Variants in PCDHGA4 observed in about 807,000 individuals in gnomAD.
PCDHGA4 encodes the protein protocadherin gamma-A4.
Under a neutral mutation model 54.6 loss-of-function variants are expected in PCDHGA4, and 38 were observed. That is an observed-to-expected ratio of 0.70 (90% CI 0.54 to 0.91). The LOEUF (loss-of-function observed/expected upper bound fraction) is 0.91, where lower values mean the gene tolerates loss of function less well. Among genes scored for constraint, PCDHGA4 ranks in the 40% least tolerant of loss-of-function variants. The probability of loss-of-function intolerance (pLI) is 0.00; values close to 1 mark genes in which losing one functional copy is unlikely to be tolerated. For missense variants in PCDHGA4, 1,298 were observed against 1,220.9 expected (o/e 1.06, Z -0.94); for synonymous variants, 511 against 512.9 (o/e 1.00, Z 0.05).
intron 1 of PCDHGA4, chr5:141,478,642 T>C (rs777741719): frequency 6.4e-7 from 1 of 1,552,350 alleles, no homozygotes; most frequent in Non-Finnish European, 8.7e-7. Context: ...GTGATGAAGA[T>C]GTTTTCCTGG....
chr5:141,365,679 C>T lies in PCDHGA4; in HGVS notation c.2514+8058C>T, dbSNP rs1056119767. The T allele has an allele frequency of 1.2e-5, 19 of 1,613,416 alleles. No individual in the cohort carries two copies. The highest frequency in any genetic ancestry group is 1.4e-5 in the Non-Finnish European group (17 of 1,179,808). On this transcript the variant is annotated intron_variant, in intron 1 of 3. Transcript: ENST00000571252. ...GTAGCAGACGTTAATGACAACCCAC[C>T]CAATTTCCCTCAAGCCTCCTACTCC...
rs1340330699 is a variant in PCDHGA4, at chr5:141,355,488, C to G, written c.381C>G (p.Cys127Trp). 1 of 1,614,004 alleles carries G rather than the reference C, an allele frequency of 6.2e-7. No individual in the cohort carries two copies. The highest frequency in any genetic ancestry group is 8.5e-7 in the Non-Finnish European group (1 of 1,179,886). Residue 127 changes from cysteine to tryptophan, a missense_variant, in exon 1 of 4, where the codon TGC becomes TGG. Transcript: ENST00000571252. ...TAGRIDREEL[C>W]DRSPNCVTNL... ...GTAGGATAGACAGGGAGGAGCTCTGCGACAGATCTCCAAACTGTGTGACAA... is the reference window on the plus strand; with the variant it reads ...GTAGGATAGACAGGGAGGAGCTCTGGGACAGATCTCCAAACTGTGTGACAA...
At chr5:141,452,161 A>G (rs559274240) in intron 1 of PCDHGA4, among the ~76,000 whole-genome samples, 1 of 152,204 alleles carries the variant, frequency 6.6e-6, no homozygotes, top group South Asian at 2.1e-4. Context: ...GTTATATTCT[A>G]TTACTAACAT....
At chr5:141,383,860 G>T (rs772168555) in intron 1 of PCDHGA4, 11 of 1,613,926 alleles carry the variant, frequency 6.8e-6, no homozygotes, top group Non-Finnish European at 9.3e-6. Flanking sequence ...GGAGGTTCAG[G>T]CTCAAGATGG....
intron 1 of PCDHGA4, among the ~76,000 whole-genome samples, chr5:141,446,739 T>A (rs1292920572): frequency 2.6e-5 from 4 of 152,180 alleles, no homozygotes; most frequent in African/African-American, 7.2e-5. Flanking sequence ...AGTGTGGGGA[T>A]TACAGGCGTG....
chr5:141,503,910 G>A (rs1311674998), intron 2 of PCDHGA4, among the ~76,000 whole-genome samples: 1 of 152,062 alleles, frequency 6.6e-6, no homozygotes, highest in Admixed American at 6.6e-5. Flanking sequence ...CACACACAAC[G>A]CAACACACAC....
At position 141,485,402 on chromosome 5, in the gene PCDHGA4, G is replaced by T. The variant is rs375700791; in HGVS notation, c.2515-9405G>T. ...AGAGGTGAACCAAAGACACTTCCGTGTGGATTTGGACAGCGGAGCCCTGCT... is the reference window on the plus strand; with the variant it reads ...AGAGGTGAACCAAAGACACTTCCGTTTGGATTTGGACAGCGGAGCCCTGCT... On this transcript the variant is annotated intron_variant, in intron 1 of 3. Coordinates refer to ENST00000571252, the MANE Select transcript of PCDHGA4 (RefSeq NM_018917.4). This position sits in a 1 kb window ranked among gnomAD's most constrained non-coding sequence, Gnocchi z 5.7. The T allele has an allele frequency of 6.2e-7, 1 of 1,614,194 alleles. No homozygotes were observed. Among genetic ancestry groups the T allele is most frequent in the East Asian group, 2.2e-5 (1 of 44,878 alleles).
chr5:141,438,591 C>CATAT (rs946798767), intron 1 of PCDHGA4, among the ~76,000 whole-genome samples: 211 of 75,392 alleles, frequency 2.8e-3, no homozygotes, highest in Non-Finnish European at 4.1e-3. Context: ...TACATACATA[C>CATAT]ATATATATAT....
At chr5:141,466,754 C>T (rs1045917268) in intron 1 of PCDHGA4, among the ~76,000 whole-genome samples, 1 of 152,138 alleles carries the variant, frequency 6.6e-6, no homozygotes, top group African/African-American at 2.4e-5. Context: ...GATAGGGGCT[C>T]TTTTCAAACT....
chr5:141,355,809 G>C lies in PCDHGA4; in HGVS notation c.702G>C (p.Glu234Asp). 6.2e-7 allele frequency: 1 copy of C among 1,613,206 alleles called. No homozygotes were observed. Among genetic ancestry groups the C allele is most frequent in the Non-Finnish European group, 8.5e-7 (1 of 1,179,520 alleles). ...TGCTGGAACGCGCTCTAGATCGCGA[G>C]GAAGAGGCGGTTCACCACCTCGTTC... Reference protein sequence around the residue: ...ELVLERALDREEEAVHHLVLT... With the variant: ...ELVLERALDRDEEAVHHLVLT... Residue 234 changes from glutamate (E) to aspartate (D), a missense_variant, in exon 1 of 4, where the codon GAG (glutamate) becomes GAC (aspartate). Physicochemically the swap from Glu to Asp is conservative, Grantham distance 45 (BLOSUM62 2). Transcript: ENST00000571252.
chr5:141,376,623 G>A (rs559036357), intron 1 of PCDHGA4: 243 of 1,327,112 alleles, frequency 1.8e-4, no homozygotes, highest in Middle Eastern at 7.8e-4. Context: ...TTTGGTACAG[G>A]AAGATTCGTG....
intron 1 of PCDHGA4, among the ~76,000 whole-genome samples, chr5:141,368,153 C>T (rs1012030751): frequency 2.6e-5 from 4 of 152,064 alleles, no homozygotes; most frequent in Non-Finnish European, 4.4e-5. Context: ...ACTTTTAAAA[C>T]CTTGAGCATC....
At chr5:141,503,836 A>G (rs1260399957) in intron 2 of PCDHGA4, among the ~76,000 whole-genome samples, 4 of 152,142 alleles carry the variant, frequency 2.6e-5, no homozygotes, top group Admixed American at 6.5e-5. Flanking sequence ...AAAAGCAGGG[A>G]CAGACCTTGG....
At chr5:141,399,066 G>C (rs770799351) in intron 1 of PCDHGA4, 5 of 1,613,726 alleles carry the variant, frequency 3.1e-6, no homozygotes, top group South Asian at 2.2e-5. Context: ...AATATTCAAT[G>C]GTTGTAGAAG....
chr5:141,428,031 G>A (rs760882803), intron 1 of PCDHGA4: 6 of 1,607,376 alleles, frequency 3.7e-6, no homozygotes, highest in South Asian at 3.3e-5. Context: ...CGCAGAGTCC[G>A]GCTACCTGGT....
intron 1 of PCDHGA4, chr5:141,395,467 C>T (rs2093236177): frequency 1.8e-6 from 1 of 566,628 alleles, no homozygotes; most frequent in Non-Finnish European, 3.0e-6. Context: ...TTTAAGCCTT[C>T]CAGTATTTTA....
intron 2 of PCDHGA4, among the ~76,000 whole-genome samples, chr5:141,501,184 C>T (rs1209222790): frequency 6.6e-6 from 1 of 152,002 alleles, no homozygotes; most frequent in Non-Finnish European, 1.5e-5. Context: ...CATTTTAACA[C>T]AATTAAATTC....
chr5:141,475,980 C>G (rs758066578), intron 1 of PCDHGA4: 3 of 1,028,500 alleles, frequency 2.9e-6, no homozygotes, highest in Admixed American at 2.4e-5. Context: ...ACTGAACAGC[C>G]GGCGAGCAAA....
intron 1 of PCDHGA4, chr5:141,371,891 G>C (rs771271665): frequency 3.0e-5 from 48 of 1,613,328 alleles, no homozygotes; most frequent in Non-Finnish European, 3.9e-5. Context: ...TGGAGCCGCG[G>C]GAGCTGTCGT....
Sources: gnomAD v4.1 joint callset for allele counts (sites outside exome capture counted in the v4.1 genomes callset) on GRCh38, gnomAD v4.1.1 for gene constraint, Gnocchi (gnomAD v3.1) non-coding constraint, MANE v1.5 for transcripts, NCBI Gene and HGNC (gene_info 2026-07-23, HGNC 2026-07-21) for gene names.